The following WBP2NL variants were observed in gnomAD, a reference collection of about 807,000 sequenced individuals.
WBP2NL encodes the protein postacrosomal sheath WW domain-binding protein.
A neutral mutation model predicts 23.3 loss-of-function variants in WBP2NL; 27 were observed. The observed-to-expected ratio is 1.16, with a 90% CI of 0.85 to 1.60. The LOEUF is 1.60. Ranked by LOEUF, WBP2NL falls within the 40% of genes most tolerant of loss-of-function variation. The pLI is 0.00. For synonymous variants in WBP2NL, 151 were observed against 145.9 expected (o/e 1.03, Z -0.25); for missense variants, 370 against 389.5 (o/e 0.95, Z 0.42).
intron 8 of WBP2NL, among the ~76,000 whole-genome samples, chr22:42,040,313 C>T (rs569391555): frequency 6.6e-6 from 1 of 151,988 alleles, no homozygotes; most frequent in East Asian, 1.9e-4. Context: ...ACCTCCGCCT[C>T]CTGGGTTCAA....
chr22:42,057,863 G>GTGTA (rs1556310018), intron 8 of WBP2NL, among the ~76,000 whole-genome samples: 2 of 77,470 alleles, frequency 2.6e-5, no homozygotes, highest in African/African-American at 6.1e-5. Context: ...ATATGTGTGT[G>GTGTA]TGTATGTATA....
chr22:42,040,210 T>A (rs1925350035), intron 8 of WBP2NL, among the ~76,000 whole-genome samples: 1 of 151,624 alleles, frequency 6.6e-6, no homozygotes, highest in Non-Finnish European at 1.5e-5. Flanking sequence ...TTAATTGAGA[T>A]CTATCTTCTC....
intron 1 of WBP2NL, among the ~76,000 whole-genome samples, chr22:41,999,122 C>G (rs1381840260): frequency 7.3e-6 from 1 of 136,644 alleles, no homozygotes; most frequent in Non-Finnish European, 1.6e-5. Context: ...TGCGCCTTTT[C>G]AAGGCGCGGG....
intron 4 of WBP2NL, among the ~76,000 whole-genome samples, chr22:42,020,897 TATATATATA>T (rs1569450079): frequency 9.0e-4 from 53 of 58,948 alleles, no homozygotes; most frequent in Non-Finnish European, 1.3e-3. Context: ...TATATATATA[TATATATATA>T]TATTTTTTTT....
At chr22:42,004,616 C>A (rs1434951296) in intron 1 of WBP2NL, among the ~76,000 whole-genome samples, 1 of 151,832 alleles carries the variant, frequency 6.6e-6, no homozygotes, top group African/African-American at 2.4e-5. Context: ...AGAGAAGGGA[C>A]AAGATGATGT....
chr22:42,018,399 A>G (rs1923534716), intron 1 of WBP2NL, among the ~76,000 whole-genome samples: 1 of 149,564 alleles, frequency 6.7e-6, no homozygotes. Flanking sequence ...GAAAGAAGGG[A>G]AGGGAAGAAG....
At chr22:42,022,428 C>CAGGGAGCAAGCCTGCA in intron 5 of WBP2NL, 72 bp downstream of exon 5, 1 of 1,325,742 alleles carries the variant, frequency 7.5e-7, no homozygotes, top group Non-Finnish European at 1.0e-6. Flanking sequence ...CTATCCCTTG[C>CAGGGAGCAAGCCTGCA]AGGCTTGCTC....
chr22:42,026,271 CAAAAT>C (rs924339580), intron 5 of WBP2NL, among the ~76,000 whole-genome samples: 1 of 106,422 alleles, frequency 9.4e-6, no homozygotes, highest in Non-Finnish European at 2.0e-5. Flanking sequence ...GACCCCCTCT[CAAAAT>C]AATAATAATA....
intron 1 of WBP2NL, among the ~76,000 whole-genome samples, chr22:42,007,720 A>G (rs1018198567): frequency 1.3e-5 from 2 of 152,226 alleles, no homozygotes; most frequent in Non-Finnish European, 2.9e-5. Context: ...ATGTTACAGC[A>G]TGTGACAGGA....
At chr22:42,025,044 C>T (rs1343340810) in intron 5 of WBP2NL, among the ~76,000 whole-genome samples, 2 of 152,208 alleles carry the variant, frequency 1.3e-5, no homozygotes, top group Admixed American at 6.5e-5. Flanking sequence ...CTCAAATGAT[C>T]TGCCTGCCTC....
Position 42,027,987 on chromosome 22 carries a change from T to C in WBP2NL, c.*806T>C. On this transcript the variant is annotated 3_prime_UTR_variant, in exon 6 of 6. Coordinates refer to ENST00000328823, the MANE Select transcript of WBP2NL (RefSeq NM_152613.3). ...GCAACCTGAGATGAGAAAACATTTTTATCTCCAAAGATTTACAAATATTAA... is the reference window on the plus strand; with the variant it reads ...GCAACCTGAGATGAGAAAACATTTTCATCTCCAAAGATTTACAAATATTAA... 1 of 398,498 alleles carries C rather than the reference T, an allele frequency of 2.5e-6. No individual in the cohort carries two copies. The highest frequency in any genetic ancestry group is 4.4e-6 in the Non-Finnish European group (1 of 226,006). The allele number at this position is 398,498 out of a possible 1,614,324, so 24.7% of individuals were successfully genotyped here.
chr22:42,001,075 G>A (rs1316636182), intron 1 of WBP2NL: 4 of 944,624 alleles, frequency 4.2e-6, no homozygotes, highest in African/African-American at 1.6e-5. Context: ...TAACTTACAT[G>A]TACTTCTTGG....
intron 1 of WBP2NL, among the ~76,000 whole-genome samples, chr22:42,015,793 A>G (rs1344249380): frequency 6.6e-6 from 1 of 152,092 alleles, no homozygotes; most frequent in East Asian, 1.9e-4. Flanking sequence ...TGTTTTTAGT[A>G]TGAATCTAGC....
At chr22:42,024,559 T>C (rs1413081788) in intron 5 of WBP2NL, among the ~76,000 whole-genome samples, 1 of 152,140 alleles carries the variant, frequency 6.6e-6, no homozygotes, top group Non-Finnish European at 1.5e-5. Flanking sequence ...TGGTATCTCA[T>C]TGTGGTTTTA....
chr22:42,026,666 T>TG (rs1924524973), intron 5 of WBP2NL, 100 bp from the exon 6 acceptor site: 1 of 1,515,588 alleles, frequency 6.6e-7, no homozygotes, highest in East Asian at 2.3e-5. Flanking sequence ...CTTCTCTTCT[T>TG]GCGTCAGTTT....
At position 42,019,704 on chromosome 22, in the gene WBP2NL, T is replaced by C; in HGVS notation, c.214T>C (p.Ser72Pro). Residue 72 changes from serine to proline, a missense_variant, in exon 3 of 6, where the codon TCT (serine) becomes CCT (proline). By Grantham distance (74) the Ser-to-Pro change is moderately conservative. Coordinates refer to ENST00000328823, the MANE Select transcript of WBP2NL (RefSeq NM_152613.3). ...TSCSISDPMLSFMMPFDLMTN... is the reference protein window; with the variant it reads ...TSCSISDPMLPFMMPFDLMTN... ...ATGCTCCATCAGTGATCCCATGTTG[T>C]CTTTTATGATGCCATTTGATCTGAT... The C allele has an allele frequency of 6.2e-7, 1 of 1,614,214 alleles. No homozygotes were observed. Among genetic ancestry groups the C allele is most frequent in the Non-Finnish European group, 8.5e-7 (1 of 1,180,042 alleles).
rs1430999183 is a variant in WBP2NL at position 42,027,336 on chromosome 22, C to G, written c.*155C>G. On this transcript the variant is annotated 3_prime_UTR_variant, in exon 6 of 6. Coordinates refer to ENST00000328823, the MANE Select transcript of WBP2NL (RefSeq NM_152613.3). ...GGCAATCTTATGGGGGAAGGTGAAA[C>G]TTTACTTCTGTGCCTAGATTTTAGA... is the stretch of plus-strand genomic sequence containing the variant. 2 of 951,906 alleles carry G rather than the reference C, an allele frequency of 2.1e-6. No individual in the cohort carries two copies. Among genetic ancestry groups the G allele is most frequent in the South Asian group, 4.5e-5 (2 of 44,372 alleles). The allele number at this position is 951,906 out of a possible 1,614,324, so 59.0% of individuals were successfully genotyped here.
intron 1 of WBP2NL, among the ~76,000 whole-genome samples, chr22:42,015,262 A>G (rs1469476507): frequency 2.0e-5 from 3 of 152,058 alleles, no homozygotes; most frequent in Non-Finnish European, 2.9e-5. Flanking sequence ...TTTGACAGAA[A>G]TTTTCTTCTA....
intron 8 of WBP2NL, among the ~76,000 whole-genome samples, chr22:42,057,842 T>TAC (rs1441360417): frequency 2.1e-5 from 2 of 96,804 alleles, no homozygotes; most frequent in African/African-American, 3.3e-5. Flanking sequence ...TATATATATA[T>TAC]ATATACACAT....
Sources: allele counts gnomAD v4.1 joint callset (sites outside exome capture counted in the v4.1 genomes callset), GRCh38; gene constraint gnomAD v4.1.1; transcripts MANE v1.5; gene names NCBI Gene and HGNC (gene_info 2026-07-23, HGNC 2026-07-21).